The following PBX1 variants were observed in gnomAD, a reference collection of about 807,000 sequenced individuals.
PBX1 encodes the protein PBX homeobox 1, also known as pre-B-cell leukemia transcription factor 1.
PBX1 carries 6 observed loss-of-function variants against 53.4 expected under a neutral mutation model. That is an observed-to-expected ratio of 0.11 (90% confidence interval 0.06 to 0.22). PBX1 has a LOEUF of 0.22. PBX1 is among the 10% of genes least tolerant of loss of function. PBX1 has a pLI of 1.00. For missense variants in PBX1, 251 were observed against 551.4 expected (o/e 0.46, Z 5.46); for synonymous variants, 204 against 212.3 (o/e 0.96, Z 0.34).
intron 1 of PBX1, among the ~76,000 whole-genome samples, chr1:164,562,444 A>G (rs960296653): frequency 7.3e-5 from 9 of 123,364 alleles, no homozygotes; most frequent in Non-Finnish European, 1.1e-4. Context: ...CCTCAAGTGC[A>G]TTCAGAATAC....
chr1:164,560,105 CT>C (rs531734763), intron 1 of PBX1, 92 bp downstream of exon 1: 10 of 949,026 alleles, frequency 1.1e-5, no homozygotes, highest in Non-Finnish European at 1.5e-5. Flanking sequence ...CACCACAGCG[CT>C]TTTTTTGAAA....
At chr1:164,652,620 CACTAA>C (rs1304260136) in intron 2 of PBX1, among the ~76,000 whole-genome samples, 5 of 152,050 alleles carry the variant, frequency 3.3e-5, no homozygotes, top group Admixed American at 6.5e-5. Context: ...TCCCTTATAC[CACTAA>C]ACTTCCTAGA....
chr1:164,844,381 T>C (rs1671459444), intron 8 of PBX1, among the ~76,000 whole-genome samples: 1 of 152,082 alleles, frequency 6.6e-6, no homozygotes, highest in Non-Finnish European at 1.5e-5. Flanking sequence ...TGCCTGTCTG[T>C]CTACCTACCT....
At chr1:164,821,486 T>C (rs781717274) in intron 7 of PBX1, 51 bp from the exon 8 acceptor site, 1 of 1,424,302 alleles carries the variant, frequency 7.0e-7, no homozygotes, top group South Asian at 1.1e-5. Flanking sequence ...TGCCTCCCTT[T>C]TCCTACACCT....
chr1:164,808,518 G>A (rs1214705754), intron 5 of PBX1, among the ~76,000 whole-genome samples: 2 of 152,170 alleles, frequency 1.3e-5, no homozygotes, highest in African/African-American at 4.8e-5. Context: ...AGAATTAAAT[G>A]TACTGATATT....
At position 164,563,031 on chromosome 1, in the gene PBX1, T is replaced by A. The variant is rs1653174920; in HGVS notation, c.192-207T>A. On this transcript the variant is annotated intron_variant, in intron 1 of 8. Transcript: ENST00000420696. ...AGGTTAGTTCTGTTCTGTAGTTAAA[T>A]CCCTACCCTCTCCCTGCTAATTAAC... The A allele has an allele frequency of 2.7e-5, 10 of 369,236 alleles. No individual in the cohort carries two copies. In the East Asian group the frequency reaches 4.5e-4, roughly 16 times the overall value. The allele number at this position is 369,236 out of a possible 1,614,324, so 22.9% of individuals were successfully genotyped here.
intron 2 of PBX1, among the ~76,000 whole-genome samples, chr1:164,669,189 T>C (rs1351078755): frequency 6.6e-6 from 1 of 152,152 alleles, no homozygotes; most frequent in African/African-American, 2.4e-5. Context: ...GGAACACTAG[T>C]TGTGTTGGCA....
chr1:164,611,958 C>T (rs527844662), intron 2 of PBX1, among the ~76,000 whole-genome samples: 1 of 152,172 alleles, frequency 6.6e-6, no homozygotes, highest in Non-Finnish European at 1.5e-5. Context: ...TCAGGTTACA[C>T]CCCAGCCTCC....
intron 2 of PBX1, chr1:164,703,364 G>A (rs1357805439): frequency 6.6e-6 from 1 of 151,512 alleles, no homozygotes; most frequent in East Asian, 2.0e-4. Context: ...TATTCTAAAA[G>A]GTGGAAAGCC....
chr1:164,664,531 A>C (rs1238288127), intron 2 of PBX1, among the ~76,000 whole-genome samples: 1 of 152,220 alleles, frequency 6.6e-6, no homozygotes, highest in African/African-American at 2.4e-5. Context: ...GGCACAATGT[A>C]TTAGAGTTTT....
At chr1:164,561,723 T>C (rs908663883) in intron 1 of PBX1, among the ~76,000 whole-genome samples, 5 of 152,154 alleles carry the variant, frequency 3.3e-5, no homozygotes, top group Admixed American at 2.6e-4. Flanking sequence ...GACTTCCCCC[T>C]TTCAATGGCC....
intron 8 of PBX1, among the ~76,000 whole-genome samples, chr1:164,843,336 A>G (rs771508461): frequency 6.6e-6 from 1 of 152,186 alleles, no homozygotes; most frequent in Non-Finnish European, 1.5e-5. Context: ...CCTATAGGCT[A>G]CAATGTCCTA....
chr1:164,822,940 C>T (rs1670232766), intron 8 of PBX1, among the ~76,000 whole-genome samples: 1 of 152,122 alleles, frequency 6.6e-6, no homozygotes, highest in African/African-American at 2.4e-5. Flanking sequence ...TGGCTAGCTG[C>T]TTGGTAAGGA....
chr1:164,723,251 G>A (rs536093361), intron 2 of PBX1, among the ~76,000 whole-genome samples: 3 of 152,268 alleles, frequency 2.0e-5, no homozygotes, highest in Non-Finnish European at 4.4e-5. Flanking sequence ...CCAGACTACT[G>A]CTTCTTAAAC....
chr1:164,574,233 A>G (rs996924456), intron 2 of PBX1, among the ~76,000 whole-genome samples: 3 of 152,234 alleles, frequency 2.0e-5, no homozygotes, highest in South Asian at 2.1e-4. Context: ...AGTGGGCCGA[A>G]GCAGTTCCTT....
chr1:164,627,920 G>A (rs1240595006), intron 2 of PBX1, among the ~76,000 whole-genome samples: 3 of 152,128 alleles, frequency 2.0e-5, no homozygotes, highest in East Asian at 1.9e-4. Flanking sequence ...TGCTATGACC[G>A]TATATTTGAA....
intron 2 of PBX1, among the ~76,000 whole-genome samples, chr1:164,593,899 C>G (rs1333266521): frequency 6.6e-6 from 1 of 152,114 alleles, no homozygotes; most frequent in Non-Finnish European, 1.5e-5. Context: ...TTCATTCATG[C>G]CTGTAAGCTT....
At chr1:164,838,710 C>A (rs1671158664) in intron 8 of PBX1, among the ~76,000 whole-genome samples, 1 of 152,122 alleles carries the variant, frequency 6.6e-6, no homozygotes, top group Non-Finnish European at 1.5e-5. Context: ...AGAGTTCACA[C>A]TAGATTTGTG....
At chr1:164,837,485 C>T (rs915552116) in intron 8 of PBX1, among the ~76,000 whole-genome samples, 2 of 152,076 alleles carry the variant, frequency 1.3e-5, no homozygotes, top group African/African-American at 2.4e-5. Context: ...TGAGTACATT[C>T]GAAATGTATA....
Sources: allele counts gnomAD v4.1 joint callset (sites outside exome capture counted in the v4.1 genomes callset), GRCh38; gene constraint gnomAD v4.1.1; transcripts MANE v1.5; gene names NCBI Gene and HGNC (gene_info 2026-07-23, HGNC 2026-07-21).